MACF1: variants seen among roughly 807,000 people sequenced by gnomAD.
The protein encoded by MACF1 is microtubule actin crosslinking factor 1, also known as microtubule-actin cross-linking factor 1.
MACF1 carries 193 observed loss-of-function variants against 854.8 expected under a neutral mutation model. The observed-to-expected ratio is 0.23, with a 90% CI of 0.20 to 0.25. The LOEUF is 0.25. Among genes scored for constraint, MACF1 ranks in the 10% least tolerant of loss-of-function variants. The pLI, the probability that MACF1 is intolerant of heterozygous loss-of-function variation, is 1.00. For missense variants in MACF1, 7,722 were observed against 8,929.1 expected (o/e 0.86, Z 5.45); for synonymous variants, 3,185 against 3,226.7 (o/e 0.99, Z 0.44).
At chr1:39,337,373 A>G in intron 38 of MACF1, 42 bp downstream of exon 38, 1 of 1,599,954 alleles carries the variant, frequency 6.3e-7, no homozygotes, top group Non-Finnish European at 8.5e-7. Flanking sequence ...CAGCTTCAAG[A>G]TAGCTGCCTC....
intron 6 of MACF1, among the ~76,000 whole-genome samples, chr1:39,276,519 C>A (rs1003763242): frequency 6.6e-6 from 1 of 152,184 alleles, no homozygotes; most frequent in Non-Finnish European, 1.5e-5. Flanking sequence ...CCCTTAACTA[C>A]TATTTCTGTT....
chr1:39,200,426 C>G (rs1335474485), upstream of MACF1, among the ~76,000 whole-genome samples: 1 of 152,136 alleles, frequency 6.6e-6, no homozygotes, highest in African/African-American at 2.4e-5. Context: ...GGGCCAGGCA[C>G]AGTGGCTCAC....
Position 39,434,631 on chromosome 1 carries a change from G to A in MACF1, c.17783G>A (p.Arg5928Lys). Residue 5928 changes from arginine (R) to lysine (K), a missense_variant and splice_region_variant, in exon 69 of 101, where the codon AGG becomes AAG. This residue lies in a region of MACF1 where 2,807 missense variants were observed against 3,235.8 expected (regional missense o/e 0.87). Transcript: ENST00000564288. Reference protein sequence around the residue: ...EQLRQQQEEMRQLRESIAEHK... With the variant: ...EQLRQQQEEMKQLRESIAEHK... ...CTCAGGCAGCAACAAGAGGAAATGA[G>A]GGTAAGGAGCATGCCAAGTTTCATT... 1 of 1,613,308 alleles carries A rather than the reference G, an allele frequency of 6.2e-7. No homozygotes were observed. Among genetic ancestry groups the A allele is most frequent in the Non-Finnish European group, 8.5e-7 (1 of 1,179,498 alleles).
chr1:39,439,158 C>T, intron 71 of MACF1, 116 bp from the exon 72 acceptor site: 1 of 556,118 alleles, frequency 1.8e-6, no homozygotes, highest in Non-Finnish European at 3.3e-6. Context: ...AAATGCTTAG[C>T]ATTTTTTTAA....
intron 2 of MACF1, among the ~76,000 whole-genome samples, chr1:39,181,020 C>T (rs1235761582): frequency 5.9e-5 from 9 of 152,184 alleles, no homozygotes; most frequent in African/African-American, 1.9e-4. Context: ...ATTCTTGTGC[C>T]ACAGCCTCCT....
chr1:39,441,078 G>A lies in MACF1; in HGVS notation c.18523G>A (p.Ala6175Thr). 6.2e-7 allele frequency: 1 copy of A among 1,614,204 alleles called. No individual in the cohort carries two copies. The highest frequency in any genetic ancestry group is 1.1e-5 in the South Asian group (1 of 91,080). The change falls in exon 73 of 101, where the codon GCC becomes ACC. Residue 6175 changes from alanine (A) to threonine (T), a missense_variant. Ala to Thr is a moderately conservative substitution (Grantham distance 58). Around this residue, in one of 15 missense-constraint regions of MACF1, gnomAD observed 2,807 missense variants for 3,235.8 expected, o/e 0.87. Transcript: ENST00000564288. ...GATCCTTGGAGCAGATTTGATTTTT[G>A]CCTGTGGAGAAACTGAGAAGCCTGA... Reference protein sequence around the residue: ...IRILGADLIFACGETEKPEVR... With the variant: ...IRILGADLIFTCGETEKPEVR...
chr1:39,340,736 T>G lies in MACF1; in HGVS notation c.10431+19T>G. On this transcript the variant is annotated intron_variant, in intron 39 of 100. Transcript: ENST00000564288. Reference sequence around the variant, plus strand: ...AGAAAAGGTAGCATTTTGCTTTTATTCATAAAGGCTCACAAAGTCTGGGTG... The same window carrying G: ...AGAAAAGGTAGCATTTTGCTTTTATGCATAAAGGCTCACAAAGTCTGGGTG... The G allele has an allele frequency of 2.5e-6, 4 of 1,613,114 alleles. No individual in the cohort carries two copies. The highest frequency in any genetic ancestry group is 3.4e-6 in the Non-Finnish European group (4 of 1,179,480).
At position 39,347,005 on chromosome 1, in the gene MACF1, A is replaced by G. The variant is rs1472420256; in HGVS notation, c.10610A>G (p.Lys3537Arg). 1.4e-5 allele frequency: 22 copies of G among 1,612,748 alleles called. No homozygotes were observed. The highest frequency in any genetic ancestry group is 1.8e-5 in the Non-Finnish European group (21 of 1,179,650). ...TTGAAACAGCCCATGGCTGAAAGGA[A>G]AGCTCAGCTGGATGCTCTTGCTTTT... is the stretch of plus-strand genomic sequence containing the variant. Reference protein sequence around the residue: ...EDLKQPMAERKAQLDALAFDI... With the variant: ...EDLKQPMAERRAQLDALAFDI... Residue 3537 changes from lysine to arginine, a missense_variant, in exon 41 of 101, where the codon AAA becomes AGA. Transcript: ENST00000564288.
At chr1:39,313,487 C>T (rs1006363162) in intron 26 of MACF1, among the ~76,000 whole-genome samples, 3 of 152,076 alleles carry the variant, frequency 2.0e-5, no homozygotes, top group Non-Finnish European at 2.9e-5. Context: ...CATGTACATT[C>T]TATGGAAAAG....
chr1:39,382,947 CTTG>C (rs1459737220), intron 56 of MACF1, among the ~76,000 whole-genome samples: 1 of 151,758 alleles, frequency 6.6e-6, no homozygotes, highest in Non-Finnish European at 1.5e-5. Context: ...ATGGTGAAAC[CTTG>C]CCTCTACTAA....
chr1:39,483,107 AAAAAAC>A (rs971585493), intron 99 of MACF1, among the ~76,000 whole-genome samples: 9 of 122,466 alleles, frequency 7.3e-5, no homozygotes, highest in African/African-American at 1.9e-4. Context: ...AAAAAAAAAA[AAAAAAC>A]ACCCACACAT....
At chr1:39,141,285 TA>T (rs973961400) in intron 2 of MACF1, among the ~76,000 whole-genome samples, 3 of 152,200 alleles carry the variant, frequency 2.0e-5, no homozygotes, top group African/African-American at 7.2e-5. Flanking sequence ...CAGGGCATGT[TA>T]AAACACAGAT....
At chr1:39,140,364 C>T (rs1643311476) in intron 2 of MACF1, among the ~76,000 whole-genome samples, 1 of 152,194 alleles carries the variant, frequency 6.6e-6, no homozygotes, top group Non-Finnish European at 1.5e-5. Context: ...GTAAATGTCA[C>T]ATCTGGCCTA....
intron 2 of MACF1, among the ~76,000 whole-genome samples, chr1:39,171,203 T>TG (rs1643943742): frequency 4.8e-5 from 7 of 146,332 alleles, no homozygotes; most frequent in South Asian, 2.2e-4. Flanking sequence ...ATCTTTCTGT[T>TG]TGTGTGTGTG....
Position 39,283,435 on chromosome 1 carries a change from A to G in MACF1, c.835A>G (p.Lys279Glu). ...TGTGGATGTGCCATCTCCAGATGAA[A>G]AGTCTGTAATCACTTATGTGTCTTC... ...EDVDVPSPDE[K>E]SVITYVSSIY... is the part of the protein sequence containing the mutation. Residue 279 changes from lysine to glutamate, a missense_variant, in exon 9 of 101, where the codon AAG becomes GAG. Physicochemically the swap from Lys to Glu is moderately conservative, Grantham distance 56. Coordinates refer to ENST00000564288, the MANE Select transcript of MACF1 (RefSeq NM_001394062.1). This position sits in a 1 kb window ranked among gnomAD's most constrained non-coding sequence, Gnocchi z 4.5. 6.2e-7 allele frequency: 1 copy of G among 1,612,476 alleles called. No individual in the cohort carries two copies. The highest frequency in any genetic ancestry group is 8.5e-7 in the Non-Finnish European group (1 of 1,178,500).
intron 49 of MACF1, among the ~76,000 whole-genome samples, chr1:39,366,984 G>T (rs975080057): frequency 1.7e-5 from 2 of 118,494 alleles, no homozygotes; most frequent in Non-Finnish European, 3.2e-5. Flanking sequence ...GTCTCACTCT[G>T]TTGCCCAGGC....
chr1:39,403,178 A>C (rs1642550036), intron 58 of MACF1, among the ~76,000 whole-genome samples: 1 of 151,816 alleles, frequency 6.6e-6, no homozygotes, highest in Admixed American at 6.6e-5. Flanking sequence ...GGCTCACTGC[A>C]GTCTCCACCT....
chr1:39,412,309 A>AT (rs780196349), intron 58 of MACF1: 7 of 1,613,924 alleles, frequency 4.3e-6, no homozygotes, highest in African/African-American at 1.3e-5. Context: ...AACAGATGAA[A>AT]TTCATTTGGA....
At chr1:39,438,233 C>T (rs1644022697) in intron 71 of MACF1, among the ~76,000 whole-genome samples, 1 of 152,208 alleles carries the variant, frequency 6.6e-6, no homozygotes, top group African/African-American at 2.4e-5. Flanking sequence ...GAAACAAAAG[C>T]TCCTTTAACC....
Sources: gnomAD v4.1 joint callset for allele counts (sites outside exome capture counted in the v4.1 genomes callset) on GRCh38, gnomAD v4.1.1 for gene constraint, gnomAD v4.1.1 regional missense constraint, Gnocchi (gnomAD v3.1) non-coding constraint, MANE v1.5 for transcripts, NCBI Gene and HGNC (gene_info 2026-07-23, HGNC 2026-07-21) for gene names.